The following SGSM2 variants were observed in gnomAD, a reference collection of about 807,000 sequenced individuals.
The protein encoded by SGSM2 is RUN and TBC1 domain containing 1.
In SGSM2, 89 loss-of-function variants were observed where a neutral mutation model predicts 126.6. The ratio of observed to expected loss-of-function variants is 0.70; its 90% CI spans 0.59 to 0.84. SGSM2 has a LOEUF of 0.84. Among genes scored for constraint, SGSM2 ranks in the 40% least tolerant of loss-of-function variants. The pLI is 0.00. For missense variants in SGSM2, 1,404 were observed against 1,416.6 expected (o/e 0.99, Z 0.14); for synonymous variants, 614 against 574.3 (o/e 1.07, Z -0.99).
intron 17 of SGSM2, among the ~76,000 whole-genome samples, chr17:2,374,850 G>A (rs751861173): frequency 3.3e-5 from 5 of 152,236 alleles, no homozygotes; most frequent in South Asian, 2.1e-4. Context: ...CTTTCCCTAC[G>A]TGGTGAAAAC....
intron 12 of SGSM2, among the ~76,000 whole-genome samples, chr17:2,369,968 C>A (rs553084000): frequency 6.6e-6 from 1 of 152,320 alleles, no homozygotes; most frequent in East Asian, 1.9e-4. Context: ...ATCTGCAAAA[C>A]TCCCGGCCGT....
Position 2,362,769 on chromosome 17 carries a change from C to G in SGSM2, c.459-69C>G. ...TCTGGTCTTTGTGGGGATGTCCCTA[C>G]CTGGTGAGCTTGACTGCCCTGGAAT... On this transcript the variant is annotated intron_variant, in intron 4 of 23. Transcript: ENST00000268989. This position sits in a 1 kb window ranked among gnomAD's most constrained non-coding sequence, Gnocchi z 4.9. The G allele has an allele frequency of 6.7e-7, 1 of 1,501,148 alleles. No homozygotes were observed. Among genetic ancestry groups the G allele is most frequent in the Non-Finnish European group, 9.2e-7 (1 of 1,081,376 alleles). The allele number at this position is 1,501,148 out of a possible 1,614,324, so 93.0% of individuals were successfully genotyped here. A position where few individuals can be genotyped will look rare whatever the true frequency, so the allele number is the denominator to read the frequency against.
intron 2 of SGSM2, among the ~76,000 whole-genome samples, chr17:2,345,693 G>A (rs2064571635): frequency 6.6e-6 from 1 of 151,810 alleles, no homozygotes; most frequent in Non-Finnish European, 1.5e-5. Flanking sequence ...ACATCTGCCA[G>A]CCTCTGCCAG....
rs781167295 is a variant in SGSM2, at chr17:2,365,410, A to G, written c.1288+69A>G. On this transcript the variant is annotated intron_variant, in intron 11 of 23. Coordinates refer to ENST00000268989, the MANE Select transcript of SGSM2 (RefSeq NM_014853.3). ...TCTGGGAGGCGGGGAGCGCAGCGTC[A>G]CCCAGGAGGGCAGCAGGCAGGGCCC... The G allele has an allele frequency of 7.5e-4, 1,103 of 1,463,072 alleles. 1 individual carries two copies. The highest frequency in any genetic ancestry group is 9.4e-4 in the Non-Finnish European group (1,037 of 1,100,194). The allele number at this position is 1,463,072 out of a possible 1,614,324, so 90.6% of individuals were successfully genotyped here. A position where few individuals can be genotyped will look rare whatever the true frequency, so the allele number is the denominator to read the frequency against.
At chr17:2,374,095 G>A (rs1300713747) in intron 17 of SGSM2, 2 of 152,378 alleles carry the variant, frequency 1.3e-5, no homozygotes, top group African/African-American at 4.8e-5. Context: ...AGCTCTTTCT[G>A]GCATCACTCC....
At position 2,380,355 on chromosome 17, in the gene SGSM2, G is replaced by C; in HGVS notation, c.*835G>C. On this transcript the variant is annotated 3_prime_UTR_variant, in exon 24 of 24. Transcript: ENST00000268989. ...GGAGCACTTGCTCTGAGGAATCCCAGGGTGACTCTGTCGGGGAAGAATCCG... is the reference window on the plus strand; with the variant it reads ...GGAGCACTTGCTCTGAGGAATCCCACGGTGACTCTGTCGGGGAAGAATCCG... 1.3e-6 allele frequency: 2 copies of C among 1,503,600 alleles called. No homozygotes were observed. Among genetic ancestry groups the C allele is most frequent in the Non-Finnish European group, 1.8e-6 (2 of 1,117,632 alleles). The allele number at this position is 1,503,600 out of a possible 1,614,324, so 93.1% of individuals were successfully genotyped here.
rs962236835 is a variant in SGSM2 at position 2,367,489 on chromosome 17, C to T, written c.1423+84C>T. 14 of 1,477,752 alleles carry T rather than the reference C, an allele frequency of 9.5e-6. No individual in the cohort carries two copies. Among genetic ancestry groups the T allele is most frequent in the South Asian group, 3.9e-5 (3 of 77,804 alleles). The allele number at this position is 1,477,752 out of a possible 1,614,324, so 91.5% of individuals were successfully genotyped here. On this transcript the variant is annotated intron_variant, in intron 12 of 23. Coordinates refer to ENST00000268989, the MANE Select transcript of SGSM2 (RefSeq NM_014853.3). This position sits in a 1 kb window ranked among gnomAD's most constrained non-coding sequence, Gnocchi z 4.0. ...CTGCCACCCACCACAGGGGTTCGAACGGCAGTGTTGGCATTAGGGGACTTG... is the reference window on the plus strand; with the variant it reads ...CTGCCACCCACCACAGGGGTTCGAATGGCAGTGTTGGCATTAGGGGACTTG...
Position 2,337,799 on chromosome 17 carries a change from G to T in SGSM2, c.57+54G>T, listed in dbSNP as rs2064145958. 119 of 1,408,398 alleles carry T rather than the reference G, an allele frequency of 8.4e-5. 1 individual carries two copies. In the South Asian group the frequency reaches 1.5e-3, roughly 18 times the overall value. 87.2% of individuals were successfully genotyped at this position (1,408,398 alleles called of 1,614,324 possible). On this transcript the variant is annotated intron_variant, in intron 1 of 23. Coordinates refer to ENST00000268989, the MANE Select transcript of SGSM2 (RefSeq NM_014853.3). The surrounding 1 kb of genome is among the most constrained non-coding windows in gnomAD (Gnocchi z 5.1). ...CTCGCGCCCTGGCCCGCGCGGCCCA[G>T]GGGGCAGAAAGGTCCGCGCCCACCC...
Position 2,363,115 on chromosome 17 carries a change from C to A in SGSM2, c.653C>A (p.Ala218Glu). The stretch of plus-strand genomic sequence containing the variant: ...CCACCTACTCGCCAGGACTCCCCTG[C>A]AAAGCGCCCAGCCCTGGGGGTAGGT... ...RGPPTRQDSP[A>E]KRPALGIRKR... is the part of the protein sequence containing the mutation. The change falls in exon 6 of 24, where the codon GCA becomes GAA. Residue 218 changes from alanine to glutamate, a missense_variant. Transcript: ENST00000268989. This position sits in a 1 kb window ranked among gnomAD's most constrained non-coding sequence, Gnocchi z 4.2. 1 of 1,607,594 alleles carries A rather than the reference C, an allele frequency of 6.2e-7. No individual in the cohort carries two copies.
chr17:2,373,429 C>A lies in SGSM2; in HGVS notation c.2016C>A (p.Ala672=). 4 of 1,611,558 alleles carry A rather than the reference C, an allele frequency of 2.5e-6. No individual in the cohort carries two copies. The highest frequency in any genetic ancestry group is 3.4e-6 in the Non-Finnish European group (4 of 1,179,976). ...VRQREREAHP[A]TRTKFSSGSS... is the part of the protein sequence containing the mutation. The stretch of plus-strand genomic sequence containing the variant: ...AGCGGGAGCGGGAGGCCCACCCAGC[C>A]ACACGCACCAAGTTCTCCTCAGGCA... The change falls in exon 17 of 24, where the codon GCC becomes GCA. Residue 672 remains alanine (A), a synonymous_variant. Coordinates refer to ENST00000268989, the MANE Select transcript of SGSM2 (RefSeq NM_014853.3).
rs369127581 is a variant in SGSM2, at chr17:2,376,259, C to G, written c.2607C>G (p.Cys869Trp). The part of the protein sequence containing the change: ...PNLERLRDVM[C>W]SYVWEHLDVG... ...TCGAGAGGCTCAGAGACGTCATGTG[C>G]AGGTGCCTTGTGGGGCGGGGCTCAG... The change falls in exon 19 of 24, where the codon TGC (cysteine) becomes TGG (tryptophan). Residue 869 changes from cysteine (C) to tryptophan (W), a missense_variant and splice_region_variant. Transcript: ENST00000268989. 6.2e-7 allele frequency: 1 copy of G among 1,613,576 alleles called. No homozygotes were observed. The highest frequency in any genetic ancestry group is 1.3e-5 in the African/African-American group (1 of 74,916).
intron 2 of SGSM2, among the ~76,000 whole-genome samples, chr17:2,351,555 C>G (rs920060284): frequency 6.6e-6 from 1 of 152,152 alleles, no homozygotes; most frequent in Non-Finnish European, 1.5e-5. Context: ...CCGCCATGAG[C>G]ACTGTGCATG....
Position 2,372,072 on chromosome 17 carries a change from C to T in SGSM2, c.1578-118C>T. 1 of 1,200,440 alleles carries T rather than the reference C, an allele frequency of 8.3e-7. No homozygotes were observed. Among genetic ancestry groups the T allele is most frequent in the Non-Finnish European group, 1.2e-6 (1 of 831,274 alleles). The allele number at this position is 1,200,440 out of a possible 1,614,324, so 74.4% of individuals were successfully genotyped here. A position where few individuals can be genotyped will look rare whatever the true frequency, so the allele number is the denominator to read the frequency against. ...GACGGCTGCTGGGCTGCGGCTCCTC[C>T]TCCTCGCACCCTCCCCAGTGCCTTA... is the stretch of plus-strand genomic sequence containing the variant. On this transcript the variant is annotated intron_variant, in intron 13 of 23. Coordinates refer to ENST00000268989, the MANE Select transcript of SGSM2 (RefSeq NM_014853.3). The surrounding 1 kb of genome is among the most constrained non-coding windows in gnomAD (Gnocchi z 6.0).
chr17:2,376,191 C>T lies in SGSM2; in HGVS notation c.2539C>T (p.Gln847Ter). The change falls in exon 19 of 24, where the codon CAG becomes TAG. Residue 847 changes from glutamine to a stop codon, truncating the protein, a stop_gained. Transcript: ENST00000268989. LOFTEE classifies it high-confidence loss of function. ...CCTGCACCGCATAGACAAGGATGTGCAGAGGTGTGACCGCAACTACTGGTA... is the reference window on the plus strand; with the variant it reads ...CCTGCACCGCATAGACAAGGATGTGTAGAGGTGTGACCGCAACTACTGGTA... ...LNLHRIDKDV[Q>*]RCDRNYWYFT... 6.2e-7 allele frequency: 1 copy of T among 1,614,078 alleles called. No individual in the cohort carries two copies.
intron 12 of SGSM2, among the ~76,000 whole-genome samples, chr17:2,368,975 C>A (rs2065728659): frequency 6.6e-6 from 1 of 152,202 alleles, no homozygotes; most frequent in Non-Finnish European, 1.5e-5. Flanking sequence ...CCTCCGGGAT[C>A]AGAGAAACTT....
chr17:2,352,444 C>T (rs1035140981), intron 2 of SGSM2, among the ~76,000 whole-genome samples: 24 of 152,332 alleles, frequency 1.6e-4, no homozygotes, highest in Middle Eastern at 3.4e-3. Context: ...AAGGTGAAAC[C>T]GGGCCGGAGG....
intron 16 of SGSM2, 119 bp from the exon 17 acceptor site, chr17:2,373,212 T>C (rs2065962451): frequency 1.3e-6 from 2 of 1,540,966 alleles, no homozygotes; most frequent in African/African-American, 1.4e-5. Context: ...CCACCGTCCT[T>C]ACCCTGAGGC....
At chr17:2,357,651 C>T (rs528554002) in intron 2 of SGSM2, among the ~76,000 whole-genome samples, 6 of 152,124 alleles carry the variant, frequency 3.9e-5, no homozygotes, top group Non-Finnish European at 5.9e-5. Context: ...GTGCCCACCA[C>T]GACACCCGGC....
At position 2,376,260 on chromosome 17, in the gene SGSM2, A is replaced by AGG. The variant is rs1312382060; in HGVS notation, c.2609_2609+1dup. 6.3e-7 allele frequency: 1 copy of AGG among 1,576,686 alleles called. No individual in the cohort carries two copies. Among genetic ancestry groups the AGG allele is most frequent in the Non-Finnish European group, 8.6e-7 (1 of 1,156,280 alleles). ...CGAGAGGCTCAGAGACGTCATGTGCAGGTGCCTTGTGGGGCGGGGCTCAGG... is the reference window on the plus strand; with the variant it reads ...CGAGAGGCTCAGAGACGTCATGTGCAGGGGTGCCTTGTGGGGCGGGGCTCAGG... On this transcript the variant is annotated frameshift_variant and splice_region_variant, in exon 19 of 24. Transcript: ENST00000268989. LOFTEE classifies it high-confidence loss of function.
Sources: gnomAD v4.1 joint callset for allele counts (sites outside exome capture counted in the v4.1 genomes callset) on GRCh38, gnomAD v4.1.1 for gene constraint, Gnocchi (gnomAD v3.1) non-coding constraint, MANE v1.5 for transcripts, NCBI Gene and HGNC (gene_info 2026-07-23, HGNC 2026-07-21) for gene names.